The following YAF2 variants were observed in gnomAD, a reference collection of about 807,000 sequenced individuals.
YAF2 encodes the protein YY1-associated factor 2.
Under a neutral mutation model 20.1 loss-of-function variants are expected in YAF2, and 7 were observed. The ratio of observed to expected loss-of-function variants is 0.35; its 90% CI spans 0.20 to 0.65. The LOEUF (loss-of-function observed/expected upper bound fraction) is 0.65, where lower values mean the gene tolerates loss of function less well. Among genes scored for constraint, YAF2 ranks in the 30% least tolerant of loss-of-function variants. The probability of loss-of-function intolerance (pLI) is 0.69; values close to 1 mark genes in which losing one functional copy is unlikely to be tolerated. For missense variants in YAF2, 151 were observed against 219.2 expected (o/e 0.69, Z 1.96); for synonymous variants, 74 against 76.0 (o/e 0.97, Z 0.14).
At position 42,160,543 on chromosome 12, in the gene YAF2, T is replaced by C; in HGVS notation, c.*46A>G. The C allele has an allele frequency of 1.4e-6, 2 of 1,454,560 alleles. No homozygotes were observed. The highest frequency in any genetic ancestry group is 1.2e-5 in the South Asian group (1 of 84,150). The allele number at this position is 1,454,560 out of a possible 1,614,324, so 90.1% of individuals were successfully genotyped here. On this transcript the variant is annotated 3_prime_UTR_variant, in exon 4 of 4. Coordinates refer to ENST00000534854, the MANE Select transcript of YAF2 (RefSeq NM_005748.6). ...GTACCTCTTGGCATAATCTGTGTAT[T>C]TGCATGGTAGGACAGAAGTGACTAA...
rs576287715 is a variant in YAF2 at position 42,217,075 on chromosome 12, T to C, written c.152+20524A>G. On this transcript the variant is annotated intron_variant, in intron 2 of 3. Transcript: ENST00000534854. ...GCCTAGACTATCAAAATGGTTTCTCTGCCTCTAGCTAAGATTCAGCAAGAA... is the reference window on the plus strand; with the variant it reads ...GCCTAGACTATCAAAATGGTTTCTCCGCCTCTAGCTAAGATTCAGCAAGAA... 4.6e-5 allele frequency among the ~76,000 whole-genome samples: 7 copies of C among 152,336 alleles called. No homozygotes were observed. In the South Asian group the frequency reaches 1.4e-3, roughly 32 times the overall value.
At chr12:42,184,034 A>T (rs900614463) in intron 2 of YAF2, among the ~76,000 whole-genome samples, 2 of 152,232 alleles carry the variant, frequency 1.3e-5, no homozygotes, top group Non-Finnish European at 2.9e-5. Flanking sequence ...ATGATAGCAC[A>T]TCTGTTTACA....
chr12:42,229,379 C>T lies in YAF2; in HGVS notation c.152+8220G>A, dbSNP rs2067904322. On this transcript the variant is annotated intron_variant, in intron 2 of 3. Transcript: ENST00000534854. ...TGTCCCATGACCCTGCCAAATCCCC[C>T]TCTGTGAGAAACACCCAAGAATTAT... is the stretch of plus-strand genomic sequence containing the variant. 2.2e-5 allele frequency among the ~76,000 whole-genome samples: 3 copies of T among 139,026 alleles called. No homozygotes were observed. In the Admixed American group the frequency reaches 2.2e-4, roughly 10 times the overall value. The allele number at this position is 139,026 out of a possible 152,430, so 91.2% of individuals were successfully genotyped here. A position where few individuals can be genotyped will look rare whatever the true frequency, so the allele number is the denominator to read the frequency against.
intron 2 of YAF2, among the ~76,000 whole-genome samples, chr12:42,181,545 G>C (rs1481794395): frequency 6.6e-6 from 1 of 152,188 alleles, no homozygotes; most frequent in Non-Finnish European, 1.5e-5. Flanking sequence ...ACCAATAGTG[G>C]GCTCTGTCAG....
rs9668208 is a variant in YAF2, at chr12:42,227,308, C to T, written c.152+10291G>A. Among the ~76,000 whole-genome samples the T allele has an allele frequency of 7.0e-5, 3 of 42,954 alleles. 1 individual carries two copies. The highest frequency in any genetic ancestry group is 5.9e-4 in the African/African-American group (2 of 3,386). The allele number at this position is 42,954 out of a possible 152,430, so 28.2% of individuals were successfully genotyped here. ...TCTCTGCCTGGCCGCCCATCGTCTG[C>T]GACGTGAGGAGCCCCTCTGCCTGGC... On this transcript the variant is annotated intron_variant, in intron 2 of 3. Coordinates refer to ENST00000534854, the MANE Select transcript of YAF2 (RefSeq NM_005748.6).
intron 2 of YAF2, among the ~76,000 whole-genome samples, chr12:42,164,691 A>G (rs2065871301): frequency 6.6e-6 from 1 of 152,016 alleles, no homozygotes; most frequent in Non-Finnish European, 1.5e-5. Flanking sequence ...AAAAGGCTGG[A>G]CTAAATCCAT....
intron 2 of YAF2, among the ~76,000 whole-genome samples, chr12:42,236,544 T>G (rs2068162224): frequency 6.9e-6 from 1 of 144,688 alleles, no homozygotes; most frequent in Non-Finnish European, 1.5e-5. Flanking sequence ...GTCTCTAAAT[T>G]TTAAACTTAA....
chr12:42,189,387 C>G (rs189638322), intron 2 of YAF2, among the ~76,000 whole-genome samples: 1 of 152,142 alleles, frequency 6.6e-6, no homozygotes, highest in African/African-American at 2.4e-5. Context: ...TTTTTTAATG[C>G]TACTCTGTTT....
intron 2 of YAF2, among the ~76,000 whole-genome samples, chr12:42,227,131 CGCCGGCGA>C (rs1239366197): frequency 1.4e-5 from 2 of 145,620 alleles, no homozygotes; most frequent in Admixed American, 6.8e-5. Flanking sequence ...TTTGCCGCCG[CGCCGGCGA>C]GCGCCGCCCG....
intron 2 of YAF2, among the ~76,000 whole-genome samples, chr12:42,227,251 C>T (rs1372267416): frequency 4.7e-5 from 6 of 126,638 alleles, no homozygotes; most frequent in African/African-American, 6.7e-5. Flanking sequence ...AGCCTCTGCC[C>T]GGCCGCCACC....
chr12:42,212,643 A>G (rs1461153359), intron 2 of YAF2, among the ~76,000 whole-genome samples: 1 of 152,238 alleles, frequency 6.6e-6, no homozygotes, highest in East Asian at 1.9e-4. Flanking sequence ...TGTAATTCTA[A>G]TGAAAATCTT....
intron 2 of YAF2, among the ~76,000 whole-genome samples, chr12:42,185,501 A>G (rs1301366066): frequency 6.6e-6 from 1 of 152,256 alleles, no homozygotes; most frequent in Non-Finnish European, 1.5e-5. Flanking sequence ...CATGCTACAG[A>G]TGAATCTTTC....
At position 42,157,600 on chromosome 12, in the gene YAF2, C is replaced by T. The variant is rs1565589148; in HGVS notation, c.*2989G>A. On this transcript the variant is annotated 3_prime_UTR_variant, in exon 4 of 4. Transcript: ENST00000534854. ...CTTTATCTAAAAGTTAATAAACATG[C>T]TATCAACTTAGAAAGGCTGAAGTTT... is the stretch of plus-strand genomic sequence containing the variant. The T allele has an allele frequency of 6.6e-6, 1 of 152,196 alleles. No individual in the cohort carries two copies. Among genetic ancestry groups the T allele is most frequent in the Non-Finnish European group, 1.5e-5 (1 of 68,038 alleles). The allele number at this position is 152,196 out of a possible 1,614,324, so 9.4% of individuals were successfully genotyped here. A position where few individuals can be genotyped will look rare whatever the true frequency, so the allele number is the denominator to read the frequency against.
intron 2 of YAF2, among the ~76,000 whole-genome samples, chr12:42,198,359 G>A (rs2066809414): frequency 6.6e-6 from 1 of 152,164 alleles, no homozygotes; most frequent in South Asian, 2.1e-4. Flanking sequence ...GAGGCAGGTG[G>A]ATCACTTTGA....
intron 2 of YAF2, chr12:42,235,006 AAAG>A (rs2068102285): frequency 1.0e-6 from 1 of 985,422 alleles, no homozygotes; most frequent in South Asian, 4.7e-5. Context: ...AAAAAGAAAA[AAAG>A]AAGACTTCAA....
intron 2 of YAF2, among the ~76,000 whole-genome samples, chr12:42,177,716 T>C (rs905219261): frequency 3.9e-5 from 6 of 152,204 alleles, no homozygotes; most frequent in African/African-American, 1.4e-4. Context: ...GCTGTTCCTC[T>C]GCCCACTCAC....
chr12:42,157,472 C>G lies in YAF2; in HGVS notation c.*3117G>C, dbSNP rs1197482273. The G allele has an allele frequency of 9.2e-5, 14 of 152,174 alleles. No individual in the cohort carries two copies. Among genetic ancestry groups the G allele is most frequent in the Admixed American group, 8.5e-4 (13 of 15,276 alleles). 9.4% of individuals were successfully genotyped at this position (152,174 alleles called of 1,614,324 possible). A position where few individuals can be genotyped will look rare whatever the true frequency, so the allele number is the denominator to read the frequency against. ...AGGACAAACCATATCCAAACCATAG[C>G]AGGAAGTTTAAAAAAGCGAGTGGCG... On this transcript the variant is annotated 3_prime_UTR_variant, in exon 4 of 4. Coordinates refer to ENST00000534854, the MANE Select transcript of YAF2 (RefSeq NM_005748.6).
chr12:42,164,384 T>C (rs531790150), intron 2 of YAF2, among the ~76,000 whole-genome samples: 3 of 152,304 alleles, frequency 2.0e-5, no homozygotes, highest in Admixed American at 6.5e-5. Flanking sequence ...TCAATACATG[T>C]TGGCTTCATA....
chr12:42,172,727 G>A (rs73281838), intron 2 of YAF2, among the ~76,000 whole-genome samples: 3,487 of 152,164 alleles, frequency 0.023, 131 homozygotes, highest in African/African-American at 0.08. Context: ...GCCCCAAAGC[G>A]GAAGCAACCC....
Sources: gnomAD v4.1 joint callset for allele counts (sites outside exome capture counted in the v4.1 genomes callset) on GRCh38, gnomAD v4.1.1 for gene constraint, MANE v1.5 for transcripts, NCBI Gene and HGNC (gene_info 2026-07-23, HGNC 2026-07-21) for gene names.